Variants in TKT observed in about 807,000 individuals in gnomAD.
The protein encoded by TKT is epididymis luminal protein 107.
TKT carries 47 observed loss-of-function variants against 63.9 expected under a neutral mutation model. That is an observed-to-expected ratio of 0.74 (90% CI 0.58 to 0.94). The LOEUF is 0.94. Among genes scored for constraint, TKT ranks in the 40% least tolerant of loss-of-function variants. The pLI, the probability that TKT is intolerant of heterozygous loss-of-function variation, is 0.00. For missense variants in TKT, 721 were observed against 846.2 expected (o/e 0.85, Z 1.84); for synonymous variants, 338 against 334.1 (o/e 1.01, Z -0.13).
chr3:53,253,737 C>T (rs954399010), intron 1 of TKT, among the ~76,000 whole-genome samples: 1 of 152,148 alleles, frequency 6.6e-6, no homozygotes, highest in Non-Finnish European at 1.5e-5. Flanking sequence ...GCACTCTAGC[C>T]TGGGCGATAG....
At chr3:53,230,751 C>A (rs1019623290) in intron 7 of TKT, 130 bp from the exon 8 acceptor site, 3 of 1,136,906 alleles carry the variant, frequency 2.6e-6, no homozygotes, top group Admixed American at 5.2e-5. Context: ...CAAGGTCCTG[C>A]AGAGGCTTTT....
At chr3:53,254,615 C>A (rs1575577839) in intron 1 of TKT, among the ~76,000 whole-genome samples, 1 of 152,348 alleles carries the variant, frequency 6.6e-6, no homozygotes, top group East Asian at 1.9e-4. Context: ...ATCCATCACG[C>A]AGCCCTCACA....
chr3:53,246,817 C>G (rs1379099666), intron 1 of TKT, among the ~76,000 whole-genome samples: 1 of 150,132 alleles, frequency 6.7e-6, no homozygotes, highest in Non-Finnish European at 1.5e-5. Context: ...CGCCATTGCA[C>G]TCCAGCCTGG....
intron 13 of TKT, 117 bp downstream of exon 13, chr3:53,226,639 G>T: frequency 2.0e-6 from 3 of 1,476,806 alleles, no homozygotes; most frequent in East Asian, 2.3e-5. Context: ...CTGAGGGACA[G>T]CTCTGGGTGT....
chr3:53,245,385 G>T (rs1472624895), intron 1 of TKT, among the ~76,000 whole-genome samples: 1 of 151,514 alleles, frequency 6.6e-6, no homozygotes, highest in Non-Finnish European at 1.5e-5. Context: ...CTGGCCAGGA[G>T]AATCTCTGTC....
chr3:53,232,116 C>T (rs1553677273), intron 6 of TKT: 2 of 379,134 alleles, frequency 5.3e-6, no homozygotes, highest in African/African-American at 4.1e-5. Flanking sequence ...ATATCCCTCT[C>T]CCTGGAGGTC....
At chr3:53,237,696 G>C (rs1705098557) in intron 4 of TKT, 1 of 152,246 alleles carries the variant, frequency 6.6e-6, no homozygotes, top group Non-Finnish European at 1.5e-5. Flanking sequence ...GCCGAGGTGG[G>C]CAGATCACAA....
At position 53,248,663 on chromosome 3, in the gene TKT, C is replaced by G. The variant is rs370863254; in HGVS notation, c.108-6421G>C. ...AAAAAAAAGGAACAAAGTACTGATT[C>G]ATGTTACAACATGGATGACCCTCTA... On this transcript the variant is annotated intron_variant, in intron 1 of 13. Transcript: ENST00000462138. Among the ~76,000 whole-genome samples the G allele has an allele frequency of 1.4e-4, 21 of 150,660 alleles. No homozygotes were observed. The East Asian group carries it at 2.2e-3, about 16-fold the overall frequency.
At chr3:53,234,770 G>C (rs1704935161) in intron 5 of TKT, 1 of 456,222 alleles carries the variant, frequency 2.2e-6, no homozygotes. Context: ...CGAAAACAAG[G>C]AAACTCACTT....
At chr3:53,234,689 C>T (rs1704930521) in intron 5 of TKT, 1 of 283,404 alleles carries the variant, frequency 3.5e-6, no homozygotes, top group Non-Finnish European at 6.6e-6. Context: ...AAGAACCCTC[C>T]TTCCTCAAGA....
intron 5 of TKT, 88 bp from the exon 6 acceptor site, chr3:53,233,362 G>A (rs1287671707): frequency 1.8e-6 from 2 of 1,088,594 alleles, no homozygotes; most frequent in Non-Finnish European, 2.6e-6. Context: ...CTTGGCAGCT[G>A]GGGTCTGCCC....
At chr3:53,243,273 TG>T (rs1306351672) in intron 1 of TKT, among the ~76,000 whole-genome samples, 5 of 151,998 alleles carry the variant, frequency 3.3e-5, no homozygotes, top group African/African-American at 4.8e-5. Flanking sequence ...CCCAGGGTTT[TG>T]TTAAAAGTTC....
At position 53,240,252 on chromosome 3, in the gene TKT, T is replaced by G. The variant is rs781962839; in HGVS notation, c.436A>C (p.Ser146Arg). Reference protein sequence around the residue: ...AYTGKYFDKASYRVYCLLGDG... With the variant: ...AYTGKYFDKARYRVYCLLGDG... The stretch of plus-strand genomic sequence containing the variant: ...GGGGGTGGGGAGTAGGTGTGTTACC[T>G]GGCCTTGTCGAAGTATTTGCCGGTG... The change falls in exon 4 of 14, where the codon AGC becomes CGC. Residue 146 changes from serine to arginine, a missense_variant and splice_region_variant. Coordinates refer to ENST00000462138, the MANE Select transcript of TKT (RefSeq NM_001064.4). 2.5e-6 allele frequency: 4 copies of G among 1,612,006 alleles called. No individual in the cohort carries two copies. Among genetic ancestry groups the G allele is most frequent in the Non-Finnish European group, 3.4e-6 (4 of 1,178,440 alleles).
At chr3:53,230,968 G>T (rs1213189504) in intron 7 of TKT, among the ~76,000 whole-genome samples, 2 of 152,240 alleles carry the variant, frequency 1.3e-5, no homozygotes, top group Non-Finnish European at 2.9e-5. Flanking sequence ...CTGCATGGAT[G>T]GGTTCCCTTG....
At chr3:53,239,484 T>C (rs1233577182) in intron 4 of TKT, among the ~76,000 whole-genome samples, 1 of 152,060 alleles carries the variant, frequency 6.6e-6, no homozygotes, top group Non-Finnish European at 1.5e-5. Flanking sequence ...AAGTTTTGTA[T>C]TTTTTGTAGA....
intron 10 of TKT, 125 bp downstream of exon 10, chr3:53,228,882 C>G (rs1036610219): frequency 1.4e-6 from 2 of 1,380,356 alleles, no homozygotes; most frequent in Non-Finnish European, 2.0e-6. Flanking sequence ...ACAAGCTACA[C>G]GAACACCAGG....
At chr3:53,245,306 CA>C (rs781814492) in intron 1 of TKT, among the ~76,000 whole-genome samples, 1,061 of 92,114 alleles carry the variant, frequency 0.012, 5 homozygotes, top group Middle Eastern at 0.019. Context: ...CACTCCATCT[CA>C]AAAAAAAAAA....
chr3:53,228,449 T>C, intron 10 of TKT, 90 bp from the exon 11 acceptor site: 2 of 1,449,252 alleles, frequency 1.4e-6, no homozygotes, highest in Non-Finnish European at 1.9e-6. Flanking sequence ...TCCCTTCCCA[T>C]GGGAGCGTTA....
At chr3:53,234,474 C>T (rs1704917997) in intron 5 of TKT, 1 of 152,494 alleles carries the variant, frequency 6.6e-6, no homozygotes, top group Non-Finnish European at 1.5e-5. Context: ...ATTGACCTCC[C>T]TGCTTTGTGC....
Sources: gnomAD v4.1 joint callset for allele counts (sites outside exome capture counted in the v4.1 genomes callset) on GRCh38, gnomAD v4.1.1 for gene constraint, MANE v1.5 for transcripts, NCBI Gene and HGNC (gene_info 2026-07-23, HGNC 2026-07-21) for gene names.